POLR3B: variants seen among roughly 807,000 people sequenced by gnomAD.
POLR3B encodes RNA polymerase III subunit B.
Under a neutral mutation model 147.4 loss-of-function variants are expected in POLR3B, and 96 were observed. The ratio of observed to expected loss-of-function variants is 0.65; its 90% CI spans 0.55 to 0.77. The LOEUF is 0.77. Among genes scored for constraint, POLR3B ranks in the 30% least tolerant of loss-of-function variants. The pLI, the probability that POLR3B is intolerant of heterozygous loss-of-function variation, is 0.00. For synonymous variants in POLR3B, 461 were observed against 485.9 expected (o/e 0.95, Z 0.67); for missense variants, 1,036 against 1,413.5 (o/e 0.73, Z 4.28).
chr12:106,485,830 G>A (rs1034367564), intron 23 of POLR3B, among the ~76,000 whole-genome samples: 2 of 152,188 alleles, frequency 1.3e-5, no homozygotes, highest in African/African-American at 4.8e-5. Flanking sequence ...GAGCTCCAGG[G>A]AGAGATTTGG....
intron 10 of POLR3B, among the ~76,000 whole-genome samples, chr12:106,400,270 A>G (rs2037043485): frequency 6.6e-6 from 1 of 152,240 alleles, no homozygotes; most frequent in African/African-American, 2.4e-5. Context: ...GATCAATTCA[A>G]CAAGAAGAGC....
Position 106,432,445 on chromosome 12 carries a change from T to C in POLR3B, c.1592T>C (p.Leu531Pro), listed in dbSNP as rs747610772. The stretch of plus-strand genomic sequence containing the variant: ...GTGAATTTATTATGTGGGGAAGAGC[T>C]CTCTTACCCAAATGTGTTTCTTGTC... ...EDVNLLCGEE[L>P]SYPNVFLVFL... Residue 531 changes from leucine to proline, a missense_variant, in exon 15 of 28, where the codon CTC (leucine) becomes CCC (proline). Transcript: ENST00000228347. The C allele has an allele frequency of 1.2e-6, 2 of 1,612,476 alleles. No homozygotes were observed. The highest frequency in any genetic ancestry group is 2.2e-5 in the South Asian group (2 of 91,036).
intron 10 of POLR3B, among the ~76,000 whole-genome samples, chr12:106,401,521 T>G (rs899037114): frequency 2.6e-5 from 4 of 152,154 alleles, no homozygotes; most frequent in African/African-American, 9.7e-5. Flanking sequence ...AAAGAGAATT[T>G]TAGACCAATA....
At chr12:106,383,491 A>T (rs750518200) in intron 9 of POLR3B, among the ~76,000 whole-genome samples, 1 of 151,996 alleles carries the variant, frequency 6.6e-6, no homozygotes, top group Non-Finnish European at 1.5e-5. Flanking sequence ...TTAAGAAGCC[A>T]TTCTTGGGTT....
chr12:106,377,915 CTGT>C (rs2036702658), intron 7 of POLR3B, among the ~76,000 whole-genome samples: 1 of 152,076 alleles, frequency 6.6e-6, no homozygotes, highest in Non-Finnish European at 1.5e-5. Flanking sequence ...TAGTGAGACC[CTGT>C]TGTTACAAAA....
chr12:106,398,998 G>A (rs1489876598), intron 10 of POLR3B, among the ~76,000 whole-genome samples: 1 of 152,200 alleles, frequency 6.6e-6, no homozygotes, highest in Admixed American at 6.5e-5. Flanking sequence ...ACTTTGACGA[G>A]TTGAGAAAAG....
At chr12:106,496,682 G>T in intron 24 of POLR3B, 70 bp from the exon 25 acceptor site, 1 of 1,312,220 alleles carries the variant, frequency 7.6e-7, no homozygotes, top group Non-Finnish European at 1.1e-6. Context: ...GAAATGAGCT[G>T]GAGATAAATA....
chr12:106,495,889 G>T, intron 23 of POLR3B, 166 bp from the exon 24 acceptor site: 280 of 687,208 alleles, frequency 4.1e-4, no homozygotes, highest in East Asian at 5.1e-4. Flanking sequence ...TGAACTGTTT[G>T]TCAAGCAGGA....
At chr12:106,508,634 A>G (rs1157727596) in intron 27 of POLR3B, among the ~76,000 whole-genome samples, 3 of 152,204 alleles carry the variant, frequency 2.0e-5, no homozygotes, top group Admixed American at 1.3e-4. Context: ...ATTAAGAACT[A>G]AGTTCAGTTT....
intron 22 of POLR3B, 39 bp from the exon 23 acceptor site, chr12:106,463,439 T>G (rs1292401918): frequency 1.2e-6 from 2 of 1,600,718 alleles, no homozygotes; most frequent in Non-Finnish European, 1.7e-6. Flanking sequence ...CAAAGGGCAG[T>G]TTGAAAACTC....
At chr12:106,482,378 G>T (rs1402810171) in intron 23 of POLR3B, among the ~76,000 whole-genome samples, 4 of 152,162 alleles carry the variant, frequency 2.6e-5, no homozygotes, top group Non-Finnish European at 5.9e-5. Flanking sequence ...AAAGAAAAGA[G>T]GTTTAACTGG....
chr12:106,391,295 C>A (rs538147053), intron 9 of POLR3B, among the ~76,000 whole-genome samples: 6 of 152,248 alleles, frequency 3.9e-5, no homozygotes, highest in African/African-American at 1.4e-4. Flanking sequence ...TCAGACAGAG[C>A]AAGCAGGCAG....
intron 11 of POLR3B, among the ~76,000 whole-genome samples, chr12:106,407,550 C>A (rs1294778082): frequency 6.6e-6 from 1 of 152,128 alleles, no homozygotes; most frequent in African/African-American, 2.4e-5. Flanking sequence ...TAAAGATAGG[C>A]CAGGCACAGT....
chr12:106,404,593 T>A (rs951472512), intron 10 of POLR3B, among the ~76,000 whole-genome samples: 3 of 152,250 alleles, frequency 2.0e-5, no homozygotes, highest in Non-Finnish European at 4.4e-5. Context: ...AATGTTCATT[T>A]TTCTTAGTGA....
intron 6 of POLR3B, among the ~76,000 whole-genome samples, chr12:106,374,404 C>T (rs549876661): frequency 2.6e-5 from 4 of 152,090 alleles, no homozygotes; most frequent in South Asian, 2.1e-4. Flanking sequence ...TTTGTAGAGA[C>T]GGGGTTTCGC....
At chr12:106,359,329 CTA>C (rs1458900085) in intron 1 of POLR3B, among the ~76,000 whole-genome samples, 1 of 116,094 alleles carries the variant, frequency 8.6e-6, no homozygotes, top group African/African-American at 3.2e-5. Context: ...TCAGGCAAAA[CTA>C]TTTTTTTTTT....
chr12:106,493,821 C>T (rs549523933), intron 23 of POLR3B, among the ~76,000 whole-genome samples: 78 of 152,318 alleles, frequency 5.1e-4, no homozygotes, highest in African/African-American at 1.9e-3. Context: ...GATCTTTTAT[C>T]ATTCACTTTC....
At chr12:106,399,831 T>A (rs990559025) in intron 10 of POLR3B, among the ~76,000 whole-genome samples, 1 of 152,160 alleles carries the variant, frequency 6.6e-6, no homozygotes, top group Non-Finnish European at 1.5e-5. Context: ...AAGGAAGCAC[T>A]AAACTTGGAA....
At chr12:106,466,810 T>C (rs192990004) in intron 23 of POLR3B, among the ~76,000 whole-genome samples, 285 of 152,342 alleles carry the variant, frequency 1.9e-3, no homozygotes, top group African/African-American at 6.6e-3. Context: ...CATTGGTCTA[T>C]ATATCTGTTT....
Sources: allele counts gnomAD v4.1 joint callset (sites outside exome capture counted in the v4.1 genomes callset), GRCh38; gene constraint gnomAD v4.1.1; transcripts MANE v1.5; gene names NCBI Gene and HGNC (gene_info 2026-07-23, HGNC 2026-07-21).